XYLT1: variants seen among roughly 807,000 people sequenced by gnomAD.
The protein encoded by XYLT1 is xylosyltransferase 1.
A neutral mutation model predicts 91.3 loss-of-function variants in XYLT1; 36 were observed. The observed-to-expected ratio is 0.39, with a 90% confidence interval of 0.30 to 0.52. The LOEUF (loss-of-function observed/expected upper bound fraction) is 0.52. XYLT1 is among the 20% of genes least tolerant of loss of function. The pLI, the probability that XYLT1 is intolerant of heterozygous loss-of-function variation, is 0.68. For synonymous variants in XYLT1, 588 were observed against 532.0 expected, an observed-to-expected ratio of 1.11 and a Z score of -1.45; for missense variants, 1,242 against 1,284.5, an observed-to-expected ratio of 0.97 and a Z score of 0.51.
intron 1 of XYLT1, among the ~76,000 whole-genome samples, chr16:17,419,705 T>C (rs1443967471): frequency 6.7e-6 from 1 of 149,944 alleles, no homozygotes; most frequent in Non-Finnish European, 1.5e-5. Context: ...TTCTAAAATA[T>C]AAGAAAAAGT....
At chr16:17,221,350 C>T (rs997069576) in intron 3 of XYLT1, among the ~76,000 whole-genome samples, 3 of 152,112 alleles carry the variant, frequency 2.0e-5, no homozygotes, top group African/African-American at 4.8e-5. Flanking sequence ...GGCATGGTAT[C>T]AAGAGTGTTT....
At chr16:17,335,389 C>CCAGA (rs1596488108) in intron 2 of XYLT1, among the ~76,000 whole-genome samples, 1 of 151,936 alleles carries the variant, frequency 6.6e-6, no homozygotes, top group East Asian at 1.9e-4. Flanking sequence ...AGAGCGCAGC[C>CCAGA]CAGAACACAG....
At chr16:17,167,126 C>G (rs547582276) in intron 5 of XYLT1, among the ~76,000 whole-genome samples, 2 of 152,336 alleles carry the variant, frequency 1.3e-5, no homozygotes, top group South Asian at 4.1e-4. Context: ...AGGGGAGATG[C>G]AGACCTCAGT....
intron 5 of XYLT1, among the ~76,000 whole-genome samples, chr16:17,163,074 GA>G (rs2031592566): frequency 6.6e-6 from 1 of 152,186 alleles, no homozygotes; most frequent in Admixed American, 6.5e-5. Flanking sequence ...AGAAGCTTAA[GA>G]CACCTTGAAC....
chr16:17,325,405 C>A (rs1379324755), intron 2 of XYLT1, among the ~76,000 whole-genome samples: 3 of 152,070 alleles, frequency 2.0e-5, no homozygotes, highest in African/African-American at 7.2e-5. Flanking sequence ...TGTCTCAAAA[C>A]AAAAAGAATA....
chr16:17,456,144 CT>C (rs1306159666), intron 1 of XYLT1, among the ~76,000 whole-genome samples: 2 of 152,062 alleles, frequency 1.3e-5, no homozygotes, highest in African/African-American at 4.8e-5. Flanking sequence ...GGTGAGGGTA[CT>C]TCTACCAGAG....
chr16:17,217,888 T>C (rs752645858), intron 3 of XYLT1, among the ~76,000 whole-genome samples: 3 of 151,628 alleles, frequency 2.0e-5, no homozygotes, highest in Non-Finnish European at 4.4e-5. Flanking sequence ...GATGTCACTT[T>C]GGAAGGAAGG....
chr16:17,201,436 G>A (rs1299062931), intron 3 of XYLT1, among the ~76,000 whole-genome samples: 3 of 151,640 alleles, frequency 2.0e-5, no homozygotes, highest in African/African-American at 7.3e-5. Flanking sequence ...AAGACAGAAT[G>A]CTAGACTTTT....
chr16:17,200,943 G>A (rs1030597301), intron 3 of XYLT1, among the ~76,000 whole-genome samples: 1 of 152,222 alleles, frequency 6.6e-6, no homozygotes, highest in Non-Finnish European at 1.5e-5. Context: ...AACAAGGCAG[G>A]AGGAGGTGAG....
chr16:17,256,683 G>A (rs1165330406), intron 3 of XYLT1, among the ~76,000 whole-genome samples: 1 of 150,554 alleles, frequency 6.6e-6, no homozygotes, highest in African/African-American at 2.5e-5. Context: ...AGCGAATGAA[G>A]AGTTCTCTTA....
chr16:17,310,071 G>A lies in XYLT1; in HGVS notation c.402+47941C>T, dbSNP rs150128909. On this transcript the variant is annotated intron_variant, in intron 2 of 11. Transcript: ENST00000261381. ...ACTTCTGGGACCTGATTTCAGGAAT[G>A]AGCTGCAACAAAATGCCCGCACACT... 4.8e-3 allele frequency among the ~76,000 whole-genome samples: 734 copies of A among 152,280 alleles called. 6 individuals are homozygous for A. Among genetic ancestry groups the A allele is most frequent in the African/African-American group, 0.016 (646 of 41,552 alleles).
chr16:17,139,896 C>G (rs762507751), intron 7 of XYLT1, among the ~76,000 whole-genome samples: 1 of 152,208 alleles, frequency 6.6e-6, no homozygotes, highest in Non-Finnish European at 1.5e-5. Flanking sequence ...GCAGTCAGCC[C>G]TCCCCGGAGC....
intron 2 of XYLT1, among the ~76,000 whole-genome samples, chr16:17,354,285 G>A (rs58682465): frequency 2.0e-5 from 3 of 152,238 alleles, no homozygotes; most frequent in South Asian, 4.2e-4. Flanking sequence ...TAATCTGGCC[G>A]TTAAGCAGAG....
intron 6 of XYLT1, among the ~76,000 whole-genome samples, chr16:17,142,875 G>C (rs2031023356): frequency 6.6e-6 from 1 of 152,122 alleles, no homozygotes; most frequent in Non-Finnish European, 1.5e-5. Context: ...ATACTACTGT[G>C]ATTTGTTACC....
intron 1 of XYLT1, among the ~76,000 whole-genome samples, chr16:17,372,949 AAC>A (rs1404402512): frequency 1.4e-4 from 21 of 152,326 alleles, no homozygotes; most frequent in Non-Finnish European, 4.4e-5. Flanking sequence ...TATAAGGACT[AAC>A]AACAAACATC....
At chr16:17,204,505 A>G (rs2032603942) in intron 3 of XYLT1, among the ~76,000 whole-genome samples, 1 of 151,976 alleles carries the variant, frequency 6.6e-6, no homozygotes, top group Non-Finnish European at 1.5e-5. Flanking sequence ...AAAAATATCT[A>G]AAGAAAGGAG....
chr16:17,122,941 T>G (rs12920800), intron 10 of XYLT1, among the ~76,000 whole-genome samples: 97,998 of 152,040 alleles, frequency 0.64, 32,610 homozygotes, highest in Non-Finnish European at 0.71. Flanking sequence ...CTATATGCCT[T>G]TTTTTATACC....
chr16:17,193,397 T>C (rs1056483971), intron 5 of XYLT1: 1 of 150,238 alleles, frequency 6.7e-6, no homozygotes, highest in African/African-American at 2.4e-5. Flanking sequence ...ACTTGCCCAG[T>C]TGGTGGTGGG....
At chr16:17,310,974 A>G (rs2141821254) in intron 2 of XYLT1, among the ~76,000 whole-genome samples, 1 of 152,310 alleles carries the variant, frequency 6.6e-6, no homozygotes, top group East Asian at 1.9e-4. Flanking sequence ...AAAACACAGC[A>G]TGGTGTCAGA....
Sources: allele counts gnomAD v4.1 joint callset (sites outside exome capture counted in the v4.1 genomes callset), GRCh38; gene constraint gnomAD v4.1.1; transcripts MANE v1.5; gene names NCBI Gene and HGNC (gene_info 2026-07-23, HGNC 2026-07-21).